The following MTMR7 variants were observed in gnomAD, a reference collection of about 807,000 sequenced individuals.
The protein encoded by MTMR7 is phosphatidylinositol-3-phosphate phosphatase MTMR7.
MTMR7 carries 76 observed loss-of-function variants against 81.2 expected under a neutral mutation model. That is an observed-to-expected ratio of 0.94 (90% CI 0.78 to 1.13). The LOEUF is 1.13. MTMR7 is among the 50% of genes most tolerant of loss of function. The probability of loss-of-function intolerance (pLI) is 0.00; values close to 1 mark genes in which losing one functional copy is unlikely to be tolerated. For synonymous variants in MTMR7, 372 were observed against 289.8 expected (o/e 1.28, Z -2.88); for missense variants, 1,044 against 820.0 (o/e 1.27, Z -3.34).
chr8:17,335,261 G>T (rs749324814), intron 6 of MTMR7, among the ~76,000 whole-genome samples: 1 of 152,102 alleles, frequency 6.6e-6, no homozygotes, highest in East Asian at 1.9e-4. Flanking sequence ...GGCCACATCC[G>T]TATCCTTCAA....
intron 1 of MTMR7, among the ~76,000 whole-genome samples, chr8:17,408,502 A>C (rs1475653680): frequency 6.6e-6 from 1 of 152,120 alleles, no homozygotes; most frequent in Non-Finnish European, 1.5e-5. Flanking sequence ...TGAAGGACAA[A>C]CTTATCAACT....
chr8:17,395,903 C>G (rs1356694275), intron 1 of MTMR7, among the ~76,000 whole-genome samples: 1 of 152,112 alleles, frequency 6.6e-6, no homozygotes, highest in Non-Finnish European at 1.5e-5. Context: ...AAGGAGCCAT[C>G]CAGTATACTT....
chr8:17,401,124 A>C (rs1433195326), intron 1 of MTMR7, among the ~76,000 whole-genome samples: 2 of 152,102 alleles, frequency 1.3e-5, no homozygotes, highest in Non-Finnish European at 2.9e-5. Flanking sequence ...GTATGTGTGT[A>C]GGTGTGTATG....
At chr8:17,343,016 G>C (rs1819448496) in intron 5 of MTMR7, among the ~76,000 whole-genome samples, 1 of 152,122 alleles carries the variant, frequency 6.6e-6, no homozygotes, top group African/African-American at 2.4e-5. Flanking sequence ...GCTTTCACAG[G>C]GGTCCTGTTT....
intron 7 of MTMR7, among the ~76,000 whole-genome samples, chr8:17,329,746 T>TA (rs2150527255): frequency 6.6e-6 from 1 of 152,242 alleles, no homozygotes; most frequent in East Asian, 1.9e-4. Flanking sequence ...TTTCAACACA[T>TA]AAAAAACATA....
intron 10 of MTMR7, among the ~76,000 whole-genome samples, chr8:17,308,766 CCAAGGCCAGACAGTGAATAT>C (rs1277149072): frequency 4.6e-5 from 7 of 152,124 alleles, no homozygotes; most frequent in African/African-American, 9.7e-5. Context: ...GCCCAGACGT[CCAAGGCCAGACAGTGAATAT>C]CATGGCCTGG....
Position 17,311,614 on chromosome 8 carries a change from C to G in MTMR7, c.998G>C (p.Ser333Thr). Residue 333 changes from serine to threonine, a missense_variant, in exon 9 of 14, where the codon AGT becomes ACT. By Grantham distance (58) the Ser-to-Thr change is moderately conservative. Coordinates refer to ENST00000180173, the MANE Select transcript of MTMR7 (RefSeq NM_004686.5). ...GCCATCAGAACAGTGAACAAGCACACTTGCCCCTTCCTCTGACACTGCCTA... is the reference window on the plus strand; with the variant it reads ...GCCATCAGAACAGTGAACAAGCACAGTTGCCCCTTCCTCTGACACTGCCTA... ...IAKAVSEEGA[S>T]VLVHCSDGWD... 11 of 1,614,156 alleles carry G rather than the reference C, an allele frequency of 6.8e-6. No individual in the cohort carries two copies. Among genetic ancestry groups the G allele is most frequent in the South Asian group, 1.1e-5 (1 of 91,082 alleles).
rs919917656 is a variant in MTMR7, at chr8:17,297,881, T to C, written c.*1981A>G. 1 of 152,014 alleles carries C rather than the reference T, an allele frequency of 6.6e-6. No homozygotes were observed. Among genetic ancestry groups the C allele is most frequent in the African/African-American group, 2.4e-5 (1 of 41,422 alleles). 9.4% of individuals were successfully genotyped at this position (152,014 alleles called of 1,614,324 possible). A position where few individuals can be genotyped will look rare whatever the true frequency, so the allele number is the denominator to read the frequency against. ...GCAGACGAACATGTTACATAAATTATAATGTCTGTCTTGTAAAAAAGTTGA... is the reference window on the plus strand; with the variant it reads ...GCAGACGAACATGTTACATAAATTACAATGTCTGTCTTGTAAAAAAGTTGA... On this transcript the variant is annotated 3_prime_UTR_variant, in exon 14 of 14. Transcript: ENST00000180173.
chr8:17,317,391 G>A (rs1394080186), intron 7 of MTMR7, among the ~76,000 whole-genome samples: 3 of 152,300 alleles, frequency 2.0e-5, no homozygotes, highest in Middle Eastern at 3.4e-3. Context: ...AGTGCATCAC[G>A]TTGGATGCCA....
intron 1 of MTMR7, 25 bp downstream of exon 1, chr8:17,413,244 C>T (rs1300003594): frequency 6.5e-7 from 1 of 1,548,716 alleles, no homozygotes; most frequent in South Asian, 1.2e-5. Context: ...CCCGTCCCTC[C>T]TCCGCCCGCG....
chr8:17,329,514 G>A (rs960391220), intron 7 of MTMR7, among the ~76,000 whole-genome samples: 4 of 152,146 alleles, frequency 2.6e-5, no homozygotes, highest in Non-Finnish European at 4.4e-5. Context: ...GGTTCCTGAC[G>A]AGAAACCAAA....
At chr8:17,367,887 AT>A (rs1359858428) in intron 3 of MTMR7, among the ~76,000 whole-genome samples, 1 of 87,092 alleles carries the variant, frequency 1.1e-5, no homozygotes, top group African/African-American at 4.2e-5. Flanking sequence ...TTTTTTTTCT[AT>A]TTTTAAAGTA....
chr8:17,355,357 G>A (rs1819859302), intron 4 of MTMR7, among the ~76,000 whole-genome samples: 1 of 152,084 alleles, frequency 6.6e-6, no homozygotes, highest in Non-Finnish European at 1.5e-5. Context: ...TTAAATTTAA[G>A]TGTAATTAAG....
chr8:17,305,949 T>C lies in MTMR7; in HGVS notation c.1160A>G (p.Asn387Ser). ...FGHKFNHRYGNLDGDPKEISP... is the reference protein window; with the variant it reads ...FGHKFNHRYGSLDGDPKEISP... Reference sequence around the variant, plus strand: ...GATTTCTTTTGGGTCACCATCTAGATTGCCATATCTATAAAACAAAGCATT... The same window carrying C: ...GATTTCTTTTGGGTCACCATCTAGACTGCCATATCTATAAAACAAAGCATT... The change falls in exon 11 of 14, where the codon AAT becomes AGT. Residue 387 changes from asparagine to serine, a missense_variant. Transcript: ENST00000180173. 1 of 1,612,490 alleles carries C rather than the reference T, an allele frequency of 6.2e-7. No homozygotes were observed. Among genetic ancestry groups the C allele is most frequent in the Non-Finnish European group, 8.5e-7 (1 of 1,178,788 alleles).
chr8:17,361,746 A>C (rs778878890), intron 3 of MTMR7, among the ~76,000 whole-genome samples: 26 of 152,248 alleles, frequency 1.7e-4, no homozygotes, highest in Non-Finnish European at 3.1e-4. Context: ...AAAGAAAAAA[A>C]TAATAAAGTT....
chr8:17,361,152 A>G lies in MTMR7; in HGVS notation c.433T>C (p.Tyr145His). The G allele has an allele frequency of 6.2e-7, 1 of 1,614,198 alleles. No individual in the cohort carries two copies. Reference protein sequence around the residue: ...EYTRMGLPNHYWQLSDVNRDY... With the variant: ...EYTRMGLPNHHWQLSDVNRDY... Reference sequence around the variant, plus strand: ...CTATTCACATCGCTGAGCTGCCAGTAATGATTAGGGAGGCCCATCCGCGTG... The same window carrying G: ...CTATTCACATCGCTGAGCTGCCAGTGATGATTAGGGAGGCCCATCCGCGTG... The change falls in exon 4 of 14, where the codon TAC becomes CAC. Residue 145 changes from tyrosine to histidine, a missense_variant. Tyr to His is a moderately conservative substitution (Grantham distance 83). Coordinates refer to ENST00000180173, the MANE Select transcript of MTMR7 (RefSeq NM_004686.5).
chr8:17,371,312 G>T (rs140452256), intron 2 of MTMR7, 113 bp from the exon 3 acceptor site: 3 of 1,225,292 alleles, frequency 2.4e-6, no homozygotes, highest in East Asian at 4.8e-5. Flanking sequence ...CCAACCTCCA[G>T]CTAGCTCAAC....
At chr8:17,381,983 CTCTCCTT>C (rs751372628) in intron 1 of MTMR7, among the ~76,000 whole-genome samples, 6 of 152,210 alleles carry the variant, frequency 3.9e-5, no homozygotes, top group Non-Finnish European at 5.9e-5. Context: ...TTTAATGTCT[CTCTCCTT>C]TCTAGCAGAC....
intron 3 of MTMR7, among the ~76,000 whole-genome samples, chr8:17,369,641 CTTTTTTT>C (rs71212689): frequency 0.025 from 2,704 of 106,274 alleles, 27 homozygotes; most frequent in Non-Finnish European, 0.037. Flanking sequence ...TTCTTTTTTT[CTTTTTTT>C]TTTTTTTTTT....
Sources: gnomAD v4.1 joint callset for allele counts (sites outside exome capture counted in the v4.1 genomes callset) on GRCh38, gnomAD v4.1.1 for gene constraint, MANE v1.5 for transcripts, NCBI Gene and HGNC (gene_info 2026-07-23, HGNC 2026-07-21) for gene names.